Variants in DNAH10 observed in about 807,000 individuals in gnomAD.
DNAH10 encodes the protein axonemal beta dynein heavy chain 10.
In DNAH10, 348 loss-of-function variants were observed where a neutral mutation model predicts 506.6. That is an observed-to-expected ratio of 0.69 (90% CI 0.63 to 0.75). The LOEUF is 0.75. Ranked by LOEUF, DNAH10 falls within the 30% of genes least tolerant of loss-of-function variation. DNAH10 has a pLI of 0.00. For missense variants in DNAH10, 5,179 were observed against 5,787.1 expected, an observed-to-expected ratio of 0.89 and a Z score of 3.41; for synonymous variants, 2,059 against 2,198.6, an observed-to-expected ratio of 0.94 and a Z score of 1.78.
At chr12:123,835,614 T>C in intron 28 of DNAH10, 86 bp downstream of exon 28, 3 of 1,498,784 alleles carry the variant, frequency 2.0e-6, no homozygotes, top group Non-Finnish European at 2.7e-6. Context: ...TTGTATTTTC[T>C]CCATTAGTAG....
At chr12:123,921,691 G>GTTTTTTTTTTTTTTT (rs35553163) in intron 65 of DNAH10, among the ~76,000 whole-genome samples, 7 of 62,884 alleles carry the variant, frequency 1.1e-4, no homozygotes, top group Non-Finnish European at 1.4e-4. Flanking sequence ...GTAGCTTGCA[G>GTTTTTTTTTTTTTTT]TTTTTTTTTT....
At chr12:123,856,998 T>C (rs1951418754) in intron 36 of DNAH10, 58 bp from the exon 37 acceptor site, 1 of 1,505,864 alleles carries the variant, frequency 6.6e-7, no homozygotes, top group African/African-American at 1.4e-5. Context: ...GGAAACACAG[T>C]CCAAAGCACT....
In DNAH10 at chr12:123,916,693, T is replaced by C; in HGVS notation, c.10959T>C (p.Tyr3653=). Residue 3653 remains tyrosine, a synonymous_variant, in exon 63 of 79, where the codon TAT becomes TAC. Transcript: ENST00000673944. The surrounding 1 kb of genome is among the most constrained non-coding windows in gnomAD (Gnocchi z 4.6). ...ACACCAAGCTGGCCAATCCCAGATA[T>C]TCCCCATCCGTGTTTGGGAAAGCTA... is the stretch of plus-strand genomic sequence containing the variant. ...YLNTKLANPR[Y]SPSVFGKAMV... is the part of the protein sequence containing the mutation. 1 of 1,613,750 alleles carries C rather than the reference T, an allele frequency of 6.2e-7. No individual in the cohort carries two copies. Among genetic ancestry groups the C allele is most frequent in the Non-Finnish European group, 8.5e-7 (1 of 1,179,778 alleles).
intron 5 of DNAH10, among the ~76,000 whole-genome samples, chr12:123,777,483 C>A (rs1039428171): frequency 3.3e-5 from 5 of 152,216 alleles, no homozygotes; most frequent in Non-Finnish European, 5.9e-5. Context: ...TCACGGAGTA[C>A]AAGTCATCCT....
rs1214212649 is a variant in DNAH10 at position 123,871,491 on chromosome 12, A to T, written c.7674A>T (p.Ile2558=). The change falls in exon 45 of 79, where the codon ATA becomes ATT. Residue 2558 remains isoleucine, a synonymous_variant. Coordinates refer to ENST00000673944, the MANE Select transcript of DNAH10 (RefSeq NM_001372106.1). The part of the protein sequence containing the change: ...HTVDTTRTTW[I]LEQMVKIKQP... ...TGGATACCACTCGGACTACCTGGATATTGGAACAAATGGTTAAAATTAAGC... is the reference window on the plus strand; with the variant it reads ...TGGATACCACTCGGACTACCTGGATTTTGGAACAAATGGTTAAAATTAAGC... The T allele has an allele frequency of 6.3e-7, 1 of 1,576,502 alleles. No individual in the cohort carries two copies. The highest frequency in any genetic ancestry group is 1.3e-5 in the African/African-American group (1 of 74,290).
intron 19 of DNAH10, among the ~76,000 whole-genome samples, chr12:123,810,717 G>A (rs1027113546): frequency 1.3e-5 from 2 of 152,052 alleles, no homozygotes; most frequent in Non-Finnish European, 2.9e-5. Context: ...TTGAATAAAC[G>A]GTACATGTTT....
rs115107843 is a variant in DNAH10, at chr12:123,866,921, G to A, written c.7168-546G>A. 9.7e-3 allele frequency among the ~76,000 whole-genome samples: 1,473 copies of A among 152,342 alleles called. 27 individuals carry two copies. Among genetic ancestry groups the A allele is most frequent in the African/African-American group, 0.034 (1,399 of 41,570 alleles). The stretch of plus-strand genomic sequence containing the variant: ...CGACCACCTTCTCAAAGGAACACAG[G>A]TGTTCTGGGTGTGTCTCTAGTAGGG... On this transcript the variant is annotated intron_variant, in intron 41 of 78. Coordinates refer to ENST00000673944, the MANE Select transcript of DNAH10 (RefSeq NM_001372106.1).
At chr12:123,817,135 A>T (rs1959167363) in intron 21 of DNAH10, among the ~76,000 whole-genome samples, 3 of 128,788 alleles carry the variant, frequency 2.3e-5, no homozygotes, top group Non-Finnish European at 1.6e-5. Context: ...TGCTTTTAAG[A>T]ATTTTTTTTT....
intron 3 of DNAH10, among the ~76,000 whole-genome samples, chr12:123,772,477 A>T (rs1957290326): frequency 6.6e-6 from 1 of 152,216 alleles, no homozygotes; most frequent in South Asian, 2.1e-4. Flanking sequence ...TTGGAGTTTA[A>T]GGCTAGGATG....
chr12:123,820,615 G>A lies in DNAH10; in HGVS notation c.4036G>A (p.Ala1346Thr), dbSNP rs1453757732. ...TTTAGGTGTTTATGAAAGAGAGCTG[G>A]CAAGACATGAAAAGAGCCGTCAGGA... ...ELLGVYERELARHEKSRQELA... is the reference protein window; with the variant it reads ...ELLGVYERELTRHEKSRQELA... The change falls in exon 24 of 79, where the codon GCA becomes ACA. Residue 1346 changes from alanine (A) to threonine (T), a missense_variant. Coordinates refer to ENST00000673944, the MANE Select transcript of DNAH10 (RefSeq NM_001372106.1). 1.9e-5 allele frequency: 31 copies of A among 1,613,800 alleles called. No individual in the cohort carries two copies. In the East Asian group the frequency reaches 6.9e-4, roughly 36 times the overall value.
rs1312179380 is a variant in DNAH10, at chr12:123,908,513, C to T, written c.9816-748C>T. ...TCTTTCCATGGCGTGGTCTGGGAGA[C>T]TCCTGTGGCTTTCACTGACCTTGCC... On this transcript the variant is annotated intron_variant, in intron 57 of 78. Transcript: ENST00000673944. The T allele has an allele frequency of 3.7e-5, 17 of 456,044 alleles. 1 individual carries two copies. Among genetic ancestry groups the T allele is most frequent in the South Asian group, 1.7e-4 (11 of 64,566 alleles). The allele number at this position is 456,044 out of a possible 1,614,324, so 28.2% of individuals were successfully genotyped here.
chr12:123,834,644 A>G (rs1409028063), intron 27 of DNAH10, among the ~76,000 whole-genome samples: 1 of 152,222 alleles, frequency 6.6e-6, no homozygotes. Flanking sequence ...TCAAACCAAA[A>G]GACAAGCCAG....
rs555379482 is a variant in DNAH10, at chr12:123,845,672, G to A, written c.5433G>A (p.Val1811=). The A allele has an allele frequency of 6.2e-7, 1 of 1,613,756 alleles. No individual in the cohort carries two copies. The highest frequency in any genetic ancestry group is 1.7e-5 in the Admixed American group (1 of 60,002). ...GCCAGGTGTGGTGGACCTGGGAGGT[G>A]GAAGACGTCTTCCACAAAGCGCAAA... The part of the protein sequence containing the change: ...AASQVWWTWE[V]EDVFHKAQKG... Residue 1811 remains valine, a synonymous_variant, in exon 31 of 79, where the codon GTG becomes GTA. Transcript: ENST00000673944.
At position 123,919,998 on chromosome 12, in the gene DNAH10, TA is replaced by T. The variant is rs1954656935; in HGVS notation, c.11506+1050del. On this transcript the variant is annotated intron_variant, in intron 65 of 78. Coordinates refer to ENST00000673944, the MANE Select transcript of DNAH10 (RefSeq NM_001372106.1). This position sits in a 1 kb window ranked among gnomAD's most constrained non-coding sequence, Gnocchi z 4.9. ...ATCTAGAAAGGGAACTGCTGGGTCA[TA>T]GGGTAATTCTATGTCTAACTTTTGA... Among the ~76,000 whole-genome samples, 1 of 152,254 alleles carries T rather than the reference TA, an allele frequency of 6.6e-6. No homozygotes were observed. The highest frequency in any genetic ancestry group is 1.9e-4 in the East Asian group (1 of 5,206).
chr12:123,843,798 G>T (rs1477895402), intron 30 of DNAH10, among the ~76,000 whole-genome samples: 1 of 152,152 alleles, frequency 6.6e-6, no homozygotes, highest in East Asian at 1.9e-4. Flanking sequence ...GGCTGGTCTC[G>T]AACTCCCGAC....
rs1299976151 is a variant in DNAH10, at chr12:123,887,046, G to T, written c.8824-96G>T. 2.1e-6 allele frequency: 3 copies of T among 1,426,606 alleles called. No homozygotes were observed. The Admixed American group carries it at 8.0e-5, about 38-fold the overall frequency. The allele number at this position is 1,426,606 out of a possible 1,614,324, so 88.4% of individuals were successfully genotyped here. A position where few individuals can be genotyped will look rare whatever the true frequency, so the allele number is the denominator to read the frequency against. On this transcript the variant is annotated intron_variant, in intron 51 of 78. Transcript: ENST00000673944. ...CTTCCTCGAGCTTGGACAGACCCAC[G>T]CCCTCTGCACTCTCCTCCAGCGTCC...
intron 26 of DNAH10, among the ~76,000 whole-genome samples, chr12:123,832,233 C>T (rs945469202): frequency 6.6e-6 from 1 of 152,040 alleles, no homozygotes; most frequent in Non-Finnish European, 1.5e-5. Context: ...ACATAATGTA[C>T]ACACAGTGTA....
In DNAH10 at chr12:123,931,487, G is replaced by A; in HGVS notation, c.12916+15G>A. 6.2e-7 allele frequency: 1 copy of A among 1,612,360 alleles called. No homozygotes were observed. The highest frequency in any genetic ancestry group is 1.1e-5 in the South Asian group (1 of 90,854). On this transcript the variant is annotated intron_variant, in intron 74 of 78. Coordinates refer to ENST00000673944, the MANE Select transcript of DNAH10 (RefSeq NM_001372106.1). ...GCCTCAGACAGGTAAACTCTACTCAGGAGGACTTCATTAGTTTGATTGGGG... is the reference window on the plus strand; with the variant it reads ...GCCTCAGACAGGTAAACTCTACTCAAGAGGACTTCATTAGTTTGATTGGGG...
At chr12:123,897,639 C>A in intron 54 of DNAH10, 131 bp from the exon 55 acceptor site, 1 of 899,630 alleles carries the variant, frequency 1.1e-6, no homozygotes, top group Non-Finnish European at 1.6e-6. Flanking sequence ...GTGGGAGGAT[C>A]ACCTGTGCCC....
Sources: allele counts gnomAD v4.1 joint callset (sites outside exome capture counted in the v4.1 genomes callset), GRCh38; gene constraint gnomAD v4.1.1; non-coding constraint Gnocchi (gnomAD v3.1); transcripts MANE v1.5; gene names NCBI Gene and HGNC (gene_info 2026-07-23, HGNC 2026-07-21).